The following ANAPC7 variants were observed in gnomAD, a reference collection of about 807,000 sequenced individuals.
ANAPC7 encodes anaphase-promoting complex subunit 7.
ANAPC7 carries 25 observed loss-of-function variants against 63.3 expected under a neutral mutation model. The observed-to-expected ratio is 0.39, with a 90% confidence interval of 0.29 to 0.55. The LOEUF is 0.55. Ranked by LOEUF, ANAPC7 falls within the 20% of genes least tolerant of loss-of-function variation. The pLI is 0.57. For synonymous variants in ANAPC7, 241 were observed against 251.7 expected (o/e 0.96, Z 0.40); for missense variants, 516 against 691.7 (o/e 0.75, Z 2.85).
At chr12:110,385,198 G>A (rs1033481626) in intron 6 of ANAPC7, among the ~76,000 whole-genome samples, 6 of 152,274 alleles carry the variant, frequency 3.9e-5, no homozygotes, top group South Asian at 4.2e-4. Context: ...ACCAGGAGGC[G>A]GAGGTTGCAG....
Position 110,388,590 on chromosome 12 carries a change from C to A in ANAPC7, c.442G>T (p.Ala148Ser). ...NMMLANLYKK[A>S]GQERPSVTSY... Reference sequence around the variant, plus strand: ...GTGACTGAAGGGCGCTCCTGACCAGCCTTCTTGTACAGGTTTGCCAGCATC... The same window carrying A: ...GTGACTGAAGGGCGCTCCTGACCAGACTTCTTGTACAGGTTTGCCAGCATC... Residue 148 changes from alanine to serine, a missense_variant, in exon 4 of 11, where the codon GCT becomes TCT. By Grantham distance (99) the Ala-to-Ser change is moderately conservative. Transcript: ENST00000455511. 1 of 1,614,114 alleles carries A rather than the reference C, an allele frequency of 6.2e-7. No individual in the cohort carries two copies. The highest frequency in any genetic ancestry group is 1.1e-5 in the South Asian group (1 of 91,084).
chr12:110,391,131 A>G (rs1459031916), intron 3 of ANAPC7, among the ~76,000 whole-genome samples: 2 of 152,186 alleles, frequency 1.3e-5, no homozygotes, highest in South Asian at 2.1e-4. Context: ...TGGAGGTTGC[A>G]GTGAGCTGAG....
Position 110,374,114 on chromosome 12 carries a change from G to T in ANAPC7, c.*30C>A. The T allele has an allele frequency of 1.3e-6, 2 of 1,588,538 alleles. No homozygotes were observed. Among genetic ancestry groups the T allele is most frequent in the Non-Finnish European group, 8.5e-7 (1 of 1,170,310 alleles). On this transcript the variant is annotated 3_prime_UTR_variant, in exon 11 of 11. Coordinates refer to ENST00000455511, the MANE Select transcript of ANAPC7 (RefSeq NM_016238.3). ...CCACGGAAGTGCTCAGAGCAGGGCA[G>T]GCCACTGCGGCCATGGAGCTGCCGC...
At position 110,403,586 on chromosome 12, in the gene ANAPC7, C is replaced by T; in HGVS notation, c.42G>A (p.Gly14=). 8 of 1,608,664 alleles carry T rather than the reference C, an allele frequency of 5.0e-6. No individual in the cohort carries two copies. Among genetic ancestry groups the T allele is most frequent in the Non-Finnish European group, 6.8e-6 (8 of 1,178,036 alleles). Residue 14 remains glycine, a synonymous_variant, in exon 1 of 11, where the codon GGG becomes GGA. Coordinates refer to ENST00000455511, the MANE Select transcript of ANAPC7 (RefSeq NM_016238.3). ...TGAGGAGCCGCACGTTGGAGTGCAGCCCCGCGGCCGCCATGTCCCGCACGT... is the reference window on the plus strand; with the variant it reads ...TGAGGAGCCGCACGTTGGAGTGCAGTCCCGCGGCCGCCATGTCCCGCACGT... ...IDHVRDMAAA[G]LHSNVRLLSS... is the part of the protein sequence containing the mutation.
intron 8 of ANAPC7, 122 bp from the exon 9 acceptor site, chr12:110,377,739 A>C: frequency 6.6e-7 from 1 of 1,517,436 alleles, no homozygotes; most frequent in Non-Finnish European, 8.8e-7. Context: ...GGCCACGGGA[A>C]ACTGATGGTG....
intron 1 of ANAPC7, 49 bp from the exon 2 acceptor site, chr12:110,396,501 AAGCTCCCCC>A (rs1336696927): frequency 2.6e-5 from 37 of 1,413,614 alleles, no homozygotes; most frequent in Non-Finnish European, 3.4e-5. Context: ...CTTTCAATCC[AAGCTCCCCC>A]AGCTTCTTTT....
chr12:110,400,911 G>A (rs570224007), intron 1 of ANAPC7, among the ~76,000 whole-genome samples: 2 of 151,942 alleles, frequency 1.3e-5, no homozygotes, highest in African/African-American at 2.4e-5. Context: ...TTAGCTGGGC[G>A]TGGTGGTGCG....
intron 1 of ANAPC7, among the ~76,000 whole-genome samples, chr12:110,402,914 T>C (rs1382905548): frequency 6.6e-6 from 1 of 151,928 alleles, no homozygotes; most frequent in African/African-American, 2.4e-5. Context: ...TGTTTAATTT[T>C]TACTTTTCGT....
chr12:110,380,360 TAAA>T (rs1045750476), intron 8 of ANAPC7, among the ~76,000 whole-genome samples: 1 of 133,398 alleles, frequency 7.5e-6, no homozygotes, highest in Non-Finnish European at 1.6e-5. Flanking sequence ...CAAATAAAAA[TAAA>T]AAAAATAGGC....
chr12:110,395,005 A>C, intron 3 of ANAPC7, 96 bp downstream of exon 3: 1 of 1,400,322 alleles, frequency 7.1e-7, no homozygotes, highest in Non-Finnish European at 9.6e-7. Flanking sequence ...TCATGGGTAA[A>C]ATGTTCACAC....
Position 110,386,312 on chromosome 12 carries a change from C to T in ANAPC7, c.817+15G>A. 6.2e-7 allele frequency: 1 copy of T among 1,613,572 alleles called. No homozygotes were observed. Among genetic ancestry groups the T allele is most frequent in the Non-Finnish European group, 8.5e-7 (1 of 1,179,936 alleles). The stretch of plus-strand genomic sequence containing the variant: ...CAACAACAGCCACTGTCTTCCTGCC[C>T]CAAGAATTACTTACCTTTTATCAGA... On this transcript the variant is annotated intron_variant, in intron 6 of 10. Transcript: ENST00000455511.
chr12:110,400,112 C>G (rs1238232149), intron 1 of ANAPC7, among the ~76,000 whole-genome samples: 1 of 151,492 alleles, frequency 6.6e-6, no homozygotes, highest in Non-Finnish European at 1.5e-5. Context: ...AGAAAAAAAA[C>G]AACAAAAAGA....
At position 110,388,746 on chromosome 12, in the gene ANAPC7, C is replaced by T. The variant is rs569404902; in HGVS notation, c.409-123G>A. The T allele has an allele frequency of 1.1e-5, 8 of 716,774 alleles. No homozygotes were observed. In the African/African-American group the frequency reaches 1.4e-4, roughly 13 times the overall value. The allele number at this position is 716,774 out of a possible 1,614,324, so 44.4% of individuals were successfully genotyped here. On this transcript the variant is annotated intron_variant, in intron 3 of 10. Transcript: ENST00000455511. ...TTTTTACTGGAAAATCTACCCACAA[C>T]CCTGTGCAAATAAAGGCAGACTGAC...
intron 1 of ANAPC7, 59 bp downstream of exon 1, chr12:110,403,468 C>T: frequency 6.5e-7 from 1 of 1,530,068 alleles, no homozygotes; most frequent in Non-Finnish European, 8.8e-7. Context: ...CCTGAGCCCC[C>T]GCTCCCAGAC....
chr12:110,382,036 T>C, intron 7 of ANAPC7, 88 bp from the exon 8 acceptor site: 1 of 1,254,696 alleles, frequency 8.0e-7, no homozygotes. Flanking sequence ...AAAATCATAT[T>C]GAAGGCCCTG....
intron 1 of ANAPC7, among the ~76,000 whole-genome samples, chr12:110,398,080 T>C (rs182818511): frequency 1.8e-3 from 277 of 151,898 alleles, no homozygotes; most frequent in African/African-American, 6.1e-3. Flanking sequence ...ACCCCGTCTC[T>C]AGTAAAAATA....
chr12:110,377,804 G>A (rs749343138), intron 8 of ANAPC7, 187 bp from the exon 9 acceptor site: 135 of 1,431,760 alleles, frequency 9.4e-5, no homozygotes, highest in Non-Finnish European at 1.1e-4. Context: ...CTTCCCCAGA[G>A]AACTTGATGG....
chr12:110,390,611 T>C (rs1368130993), intron 3 of ANAPC7, among the ~76,000 whole-genome samples: 3 of 152,230 alleles, frequency 2.0e-5, no homozygotes, highest in East Asian at 3.9e-4. Flanking sequence ...ATTCAAACAA[T>C]GGAATAATGA....
At chr12:110,400,128 G>C (rs2062208408) in intron 1 of ANAPC7, among the ~76,000 whole-genome samples, 1 of 152,058 alleles carries the variant, frequency 6.6e-6, no homozygotes, top group South Asian at 2.1e-4. Flanking sequence ...AAAGAGTATA[G>C]TCTAGATGAC....
Sources: gnomAD v4.1 joint callset for allele counts (sites outside exome capture counted in the v4.1 genomes callset) on GRCh38, gnomAD v4.1.1 for gene constraint, MANE v1.5 for transcripts, NCBI Gene and HGNC (gene_info 2026-07-23, HGNC 2026-07-21) for gene names.